The following DMRT2 variants were observed in gnomAD, a reference collection of about 807,000 sequenced individuals.
DMRT2 encodes doublesex and mab-3 related transcription factor 2, also known as doublesex- and mab-3-related transcription factor 2.
A neutral mutation model predicts 43.5 loss-of-function variants in DMRT2; 33 were observed. That is an observed-to-expected ratio of 0.76 (90% CI 0.58 to 1.01). The LOEUF is 1.01. Ranked by LOEUF, DMRT2 falls within the 50% of genes least tolerant of loss-of-function variation. The probability of loss-of-function intolerance (pLI) is 0.00; values close to 1 mark genes in which losing one functional copy is unlikely to be tolerated. For missense variants in DMRT2, 1,064 were observed against 748.0 expected (o/e 1.42, Z -4.93); for synonymous variants, 395 against 309.2 (o/e 1.28, Z -2.91).
chr9:1,052,536 G>A (rs1821672401), intron 2 of DMRT2, among the ~76,000 whole-genome samples: 1 of 152,194 alleles, frequency 6.6e-6, no homozygotes, highest in Non-Finnish European at 1.5e-5. Context: ...CTGCTGTACT[G>A]GTGATGATGG....
rs72703237 is a variant in DMRT2, at chr9:1,056,732, G to C, written c.1145G>C (p.Arg382Pro). 6.2e-7 allele frequency: 1 copy of C among 1,614,044 alleles called. No individual in the cohort carries two copies. Among genetic ancestry groups the C allele is most frequent in the African/African-American group, 1.3e-5 (1 of 74,970 alleles). Residue 382 changes from arginine to proline, a missense_variant, in exon 4 of 4, where the codon CGA (arginine) becomes CCA (proline). Arg to Pro is a moderately radical substitution (Grantham distance 103). Coordinates refer to ENST00000358146, the MANE Select transcript of DMRT2 (RefSeq NM_181872.6). Reference protein sequence around the residue: ...PGASWDLKGARVQDGLSAEQD... With the variant: ...PGASWDLKGAPVQDGLSAEQD... ...GCCAGCTGGGACTTGAAGGGAGCAC[G>C]AGTCCAGGATGGACTCAGTGCAGAG...
Position 1,056,774 on chromosome 9 carries a change from C to T in DMRT2, c.1187C>T (p.Ser396Leu), listed in dbSNP as rs142308383. ...GLSAEQDMMP[S>L]KLEGSLVLPH... Reference sequence around the variant, plus strand: ...AGTGCAGAGCAGGACATGATGCCATCGAAATTGGAAGGTTCCCTGGTGCTG... The same window carrying T: ...AGTGCAGAGCAGGACATGATGCCATTGAAATTGGAAGGTTCCCTGGTGCTG... Residue 396 changes from serine (S) to leucine (L), a missense_variant, in exon 4 of 4, where the codon TCG becomes TTG. Transcript: ENST00000358146. The T allele has an allele frequency of 2.9e-4, 461 of 1,614,082 alleles. 1 individual carries two copies. In the African/African-American group the frequency reaches 5.1e-3, roughly 18 times the overall value.
Position 1,052,134 on chromosome 9 carries a change from C to T in DMRT2, c.521C>T (p.Thr174Ile), listed in dbSNP as rs1175475002. ...GTGGCGCTCCGGAGGCAGCAGGCCACCGAGGTGCGTACCCGCCCGGCCCGG... is the reference window on the plus strand; with the variant it reads ...GTGGCGCTCCGGAGGCAGCAGGCCATCGAGGTGCGTACCCGCCCGGCCCGG... ...AQVALRRQQA[T>I]EDKKGLSGKQ... Residue 174 changes from threonine to isoleucine, a missense_variant, in exon 2 of 4, where the codon ACC becomes ATC. Coordinates refer to ENST00000358146, the MANE Select transcript of DMRT2 (RefSeq NM_181872.6). The T allele has an allele frequency of 1.4e-6, 2 of 1,397,018 alleles. No individual in the cohort carries two copies. Among genetic ancestry groups the T allele is most frequent in the South Asian group, 1.5e-5 (1 of 64,906 alleles). 86.5% of individuals were successfully genotyped at this position (1,397,018 alleles called of 1,614,324 possible).
rs1025050036 is a variant in DMRT2, at chr9:1,051,932, C to G, written c.319C>G (p.Pro107Ala). The G allele has an allele frequency of 2.9e-6, 4 of 1,364,186 alleles. No individual in the cohort carries two copies. The highest frequency in any genetic ancestry group is 3.8e-5 in the Admixed American group (1 of 26,156). 84.5% of individuals were successfully genotyped at this position (1,364,186 alleles called of 1,614,324 possible). ...AGTGPRERCT[P>A]AGGGAEPRKL... ...CACCGGTCCCCGAGAGCGCTGCACT[C>G]CCGCGGGCGGCGGCGCGGAGCCGCG... is the stretch of plus-strand genomic sequence containing the variant. Residue 107 changes from proline (P) to alanine (A), a missense_variant, in exon 2 of 4, where the codon CCC becomes GCC. By Grantham distance (27) the Pro-to-Ala change is conservative (BLOSUM62 -1). Coordinates refer to ENST00000358146, the MANE Select transcript of DMRT2 (RefSeq NM_181872.6). This position sits in a 1 kb window ranked among gnomAD's most constrained non-coding sequence, Gnocchi z 5.9.
chr9:1,057,035 C>T lies in DMRT2; in HGVS notation c.1448C>T (p.Ser483Leu), dbSNP rs376933173. 45 of 1,614,034 alleles carry T rather than the reference C, an allele frequency of 2.8e-5. No homozygotes were observed. The highest frequency in any genetic ancestry group is 8.8e-5 in the South Asian group (8 of 91,076). ...SLFQQTLTDK[S>L]GPELKTPFVK... ...TTCCAGCAAACACTTACTGACAAAT[C>T]GGGTCCTGAGTTGAAAACACCATTT... The change falls in exon 4 of 4, where the codon TCG becomes TTG. Residue 483 changes from serine (S) to leucine (L), a missense_variant. Physicochemically the swap from Ser to Leu is moderately radical, Grantham distance 145. Transcript: ENST00000358146.
chr9:1,055,246 A>C (rs1160879453), intron 3 of DMRT2, among the ~76,000 whole-genome samples: 1 of 152,214 alleles, frequency 6.6e-6, no homozygotes, highest in Non-Finnish European at 1.5e-5. Flanking sequence ...GTCACTATGT[A>C]AACACAAATA....
chr9:1,053,856 A>G (rs778239045), intron 3 of DMRT2, 32 bp downstream of exon 3: 4 of 1,570,966 alleles, frequency 2.5e-6, no homozygotes, highest in Non-Finnish European at 2.6e-6. Context: ...TCAGCCTTTT[A>G]AACAGAGTTG....
chr9:1,056,946 G>A lies in DMRT2; in HGVS notation c.1359G>A (p.Thr453=), dbSNP rs545209212. ...TGGCAGCTCAAGGGCATGTCTTAAC[G>A]AAGATCAGCAAAGAAAACACCAGGC... ...DSLAAQGHVL[T]KISKENTRHP... The change falls in exon 4 of 4, where the codon ACG becomes ACA. Residue 453 remains threonine (T), a synonymous_variant. Coordinates refer to ENST00000358146, the MANE Select transcript of DMRT2 (RefSeq NM_181872.6). 6 of 1,614,136 alleles carry A rather than the reference G, an allele frequency of 3.7e-6. No homozygotes were observed. The highest frequency in any genetic ancestry group is 2.2e-5 in the South Asian group (2 of 91,086).
At position 1,051,855 on chromosome 9, in the gene DMRT2, G is replaced by C; in HGVS notation, c.242G>C (p.Arg81Pro). Residue 81 changes from arginine (R) to proline (P), a missense_variant, in exon 2 of 4, where the codon CGG becomes CCG. By Grantham distance (103) the Arg-to-Pro change is moderately radical. Transcript: ENST00000358146. This position sits in a 1 kb window ranked among gnomAD's most constrained non-coding sequence, Gnocchi z 5.9. Reference protein sequence around the residue: ...SPGMPGQPEQRGGPQPRPPLA... With the variant: ...SPGMPGQPEQPGGPQPRPPLA... ...GGGATGCCCGGCCAGCCGGAGCAGC[G>C]GGGGGGACCGCAGCCGAGGCCGCCG... 2 of 1,397,576 alleles carry C rather than the reference G, an allele frequency of 1.4e-6. No individual in the cohort carries two copies. The highest frequency in any genetic ancestry group is 1.8e-6 in the Non-Finnish European group (2 of 1,086,506). 86.6% of individuals were successfully genotyped at this position (1,397,576 alleles called of 1,614,324 possible).
At chr9:1,056,040 C>T in intron 3 of DMRT2, 176 bp from the exon 4 acceptor site, 1 of 1,426,306 alleles carries the variant, frequency 7.0e-7, no homozygotes, top group South Asian at 1.7e-5. Context: ...CTTTCACCCT[C>T]CCAGGAAACT....
Position 1,051,496 on chromosome 9 carries a change from G to C in DMRT2, c.-44-74G>C. 7.1e-7 allele frequency: 1 copy of C among 1,401,054 alleles called. No homozygotes were observed. The highest frequency in any genetic ancestry group is 9.2e-7 in the Non-Finnish European group (1 of 1,086,156). The allele number at this position is 1,401,054 out of a possible 1,614,324, so 86.8% of individuals were successfully genotyped here. On this transcript the variant is annotated intron_variant, in intron 1 of 3. Coordinates refer to ENST00000358146, the MANE Select transcript of DMRT2 (RefSeq NM_181872.6). The surrounding 1 kb of genome is among the most constrained non-coding windows in gnomAD (Gnocchi z 5.9). ...GCGGCCGGAGGCGGGCAGACCAGGA[G>C]CTTTGGGCCGGAGGCTCAGGGATGG...
rs761770101 is a variant in DMRT2, at chr9:1,056,798, T to G, written c.1211T>G (p.Leu404Arg). The G allele has an allele frequency of 5.0e-6, 8 of 1,614,156 alleles. No homozygotes were observed. Among genetic ancestry groups the G allele is most frequent in the Middle Eastern group, 1.6e-4 (1 of 6,062 alleles). ...TCGAAATTGGAAGGTTCCCTGGTGC[T>G]GCCTCACACTCCTGAGATCCAGACC... ...MPSKLEGSLV[L>R]PHTPEIQTTR... The change falls in exon 4 of 4, where the codon CTG (leucine) becomes CGG (arginine). Residue 404 changes from leucine (L) to arginine (R), a missense_variant. Transcript: ENST00000358146.
rs770480487 is a variant in DMRT2, at chr9:1,056,641, G to C, written c.1054G>C (p.Asp352His). Residue 352 changes from aspartate (D) to histidine (H), a missense_variant, in exon 4 of 4, where the codon GAC becomes CAC. Physicochemically the swap from Asp to His is moderately conservative, Grantham distance 81. Transcript: ENST00000358146. ...LVWPKCGPIS[D>H]TLLYQQCLLN... ...TTGGCCCAAGTGTGGCCCCATTAGC[G>C]ACACCCTCCTCTACCAGCAATGCCT... The C allele has an allele frequency of 6.2e-7, 1 of 1,614,114 alleles. No individual in the cohort carries two copies. The highest frequency in any genetic ancestry group is 8.5e-7 in the Non-Finnish European group (1 of 1,180,034).
Position 1,057,063 on chromosome 9 carries a change from C to G in DMRT2, c.1476C>G (p.Val492=). 1.9e-6 allele frequency: 3 copies of G among 1,614,146 alleles called. No homozygotes were observed. Among genetic ancestry groups the G allele is most frequent in the Non-Finnish European group, 2.5e-6 (3 of 1,180,046 alleles). The change falls in exon 4 of 4, where the codon GTC becomes GTG. Residue 492 remains valine, a synonymous_variant. Transcript: ENST00000358146. ...GTCCTGAGTTGAAAACACCATTTGT[C>G]AAAGAGGCCTTTGAAGAGACCCCTA... ...KSGPELKTPF[V]KEAFEETPKK... is the part of the protein sequence containing the mutation.
rs775792823 is a variant in DMRT2 at position 1,051,692 on chromosome 9, T to A, written c.79T>A (p.Cys27Ser). ...VESLELEEDV[C>S]GAPRSTPPGP... ...GAGCCTGGAGCTGGAAGAGGACGTCTGCGGGGCGCCGCGGTCCACGCCCCC... is the reference window on the plus strand; with the variant it reads ...GAGCCTGGAGCTGGAAGAGGACGTCAGCGGGGCGCCGCGGTCCACGCCCCC... Residue 27 changes from cysteine to serine, a missense_variant, in exon 2 of 4, where the codon TGC becomes AGC. Coordinates refer to ENST00000358146, the MANE Select transcript of DMRT2 (RefSeq NM_181872.6). This position sits in a 1 kb window ranked among gnomAD's most constrained non-coding sequence, Gnocchi z 5.9. The A allele has an allele frequency of 3.8e-6, 6 of 1,559,834 alleles. No homozygotes were observed. The South Asian group carries it at 7.0e-5, about 18-fold the overall frequency.
At position 1,053,822 on chromosome 9, in the gene DMRT2, A is replaced by C; in HGVS notation, c.626A>C (p.Glu209Ala). 1.9e-6 allele frequency: 3 copies of C among 1,613,620 alleles called. No homozygotes were observed. The South Asian group carries it at 3.3e-5, about 18-fold the overall frequency. Reference sequence around the variant, plus strand: ...AGTTTGCTGGCCAAAAGCATTTTAGAAGGTAAAGCAACAAAATTATCCTTC... The same window carrying C: ...AGTTTGCTGGCCAAAAGCATTTTAGCAGGTAAAGCAACAAAATTATCCTTC... ...APSLLAKSIL[E>A]GYRPIPAETY... is the part of the protein sequence containing the mutation. The change falls in exon 3 of 4, where the codon GAA becomes GCA. Residue 209 changes from glutamate (E) to alanine (A), a missense_variant and splice_region_variant. By Grantham distance (107) the Glu-to-Ala change is moderately radical (BLOSUM62 -1). Transcript: ENST00000358146.
In DMRT2 at chr9:1,056,650, C is replaced by T. The variant is rs1475232006; in HGVS notation, c.1063C>T (p.Leu355Phe). The T allele has an allele frequency of 1.2e-6, 2 of 1,614,108 alleles. No individual in the cohort carries two copies. The highest frequency in any genetic ancestry group is 1.7e-5 in the Admixed American group (1 of 59,998). ...GTGTGGCCCCATTAGCGACACCCTC[C>T]TCTACCAGCAATGCCTGCTAAATGC... ...PKCGPISDTLLYQQCLLNATT... is the reference protein window; with the variant it reads ...PKCGPISDTLFYQQCLLNATT... Residue 355 changes from leucine (L) to phenylalanine (F), a missense_variant, in exon 4 of 4, where the codon CTC becomes TTC. Coordinates refer to ENST00000358146, the MANE Select transcript of DMRT2 (RefSeq NM_181872.6).
chr9:1,057,394 T>A lies in DMRT2; in HGVS notation c.*121T>A. 1.7e-6 allele frequency: 2 copies of A among 1,164,390 alleles called. No homozygotes were observed. Among genetic ancestry groups the A allele is most frequent in the African/African-American group, 1.6e-5 (1 of 64,428 alleles). The allele number at this position is 1,164,390 out of a possible 1,614,324, so 72.1% of individuals were successfully genotyped here. On this transcript the variant is annotated 3_prime_UTR_variant, in exon 4 of 4. Transcript: ENST00000358146. Reference sequence around the variant, plus strand: ...ATTTCTAATGTAAAGATGATGATTTTGAAAAATTTTATATATTCCTAATAT... The same window carrying A: ...ATTTCTAATGTAAAGATGATGATTTAGAAAAATTTTATATATTCCTAATAT...
chr9:1,053,871 ACT>A (rs1202175441), intron 3 of DMRT2, 47 bp downstream of exon 3: 12 of 1,470,276 alleles, frequency 8.2e-6, no homozygotes, highest in East Asian at 2.3e-5. Flanking sequence ...GAGTTGAGTG[ACT>A]CTCATTAATC....
Sources: gnomAD v4.1 joint callset for allele counts (sites outside exome capture counted in the v4.1 genomes callset) on GRCh38, gnomAD v4.1.1 for gene constraint, Gnocchi (gnomAD v3.1) non-coding constraint, MANE v1.5 for transcripts, NCBI Gene and HGNC (gene_info 2026-07-23, HGNC 2026-07-21) for gene names.